The following ZC3H12B variants were observed in gnomAD, a reference collection of about 807,000 sequenced individuals.
ZC3H12B encodes probable ribonuclease ZC3H12B.
ZC3H12B carries 7 observed loss-of-function variants against 43.9 expected under a neutral mutation model. The observed-to-expected ratio is 0.16, with a 90% CI of 0.09 to 0.30. ZC3H12B has a LOEUF of 0.30. ZC3H12B is among the 10% of genes least tolerant of loss of function. The pLI is 1.00. For missense variants in ZC3H12B, 475 were observed against 670.2 expected, an observed-to-expected ratio of 0.71 and a Z score of 3.22; for synonymous variants, 222 against 241.7, an observed-to-expected ratio of 0.92 and a Z score of 0.76.
the ZC3H12B span, among the ~76,000 whole-genome samples, chrX:65,206,906 T>C: frequency 9.1e-6 from 1 of 109,782 alleles, no homozygotes; most frequent in Non-Finnish European, 1.9e-5. Flanking sequence ...CATGAAGAAA[T>C]ACTCAACAAC....
chrX:65,419,675 G>A (rs2066996869), intron 3 of ZC3H12B, among the ~76,000 whole-genome samples: 2 of 110,639 alleles, frequency 1.8e-5, no homozygotes, highest in South Asian at 7.8e-4. Context: ...CAGCCCCCAT[G>A]GCCCTAGAAC....
At chrX:65,118,920 A>C in the ZC3H12B span, among the ~76,000 whole-genome samples, 4 of 106,940 alleles carry the variant, frequency 3.7e-5, no homozygotes, top group African/African-American at 1.0e-4. Flanking sequence ...TGTCCTTGCG[A>C]TAGTTTCCTC....
intron 3 of ZC3H12B, among the ~76,000 whole-genome samples, chrX:65,399,086 C>A (rs765271416): frequency 8.9e-6 from 1 of 112,402 alleles, no homozygotes; most frequent in Admixed American, 9.4e-5. Context: ...AAAGCAAACA[C>A]TGGAGAAATT....
the ZC3H12B span, among the ~76,000 whole-genome samples, chrX:65,277,413 A>G: frequency 8.9e-6 from 1 of 112,003 alleles, no homozygotes; most frequent in African/African-American, 3.2e-5. Context: ...TGTAGAATAC[A>G]CATTATTTTA....
At chrX:65,150,636 G>C in the ZC3H12B span, among the ~76,000 whole-genome samples, 3 of 111,385 alleles carry the variant, frequency 2.7e-5, no homozygotes, top group South Asian at 7.5e-4. Flanking sequence ...ATGACTTCCA[G>C]CTTCATCCAT....
the ZC3H12B span, among the ~76,000 whole-genome samples, chrX:65,122,324 C>G: frequency 4.5e-5 from 5 of 110,942 alleles, no homozygotes; most frequent in Admixed American, 2.9e-4. Context: ...CCTTTACAGA[C>G]AAGCAAATGC....
the ZC3H12B span, among the ~76,000 whole-genome samples, chrX:65,178,119 A>G: frequency 1.8e-5 from 2 of 112,025 alleles, no homozygotes; most frequent in Non-Finnish European, 3.8e-5. Context: ...CACATCTACA[A>G]CCATCTGATC....
At chrX:65,444,418 G>A (rs1183338583) in intron 3 of ZC3H12B, among the ~76,000 whole-genome samples, 2 of 109,290 alleles carry the variant, frequency 1.8e-5, no homozygotes, top group East Asian at 2.8e-4. Context: ...AGTCTCACAA[G>A]ACCTGATGGT....
chrX:65,185,954 C>G, the ZC3H12B span: 1 of 111,397 alleles, frequency 9.0e-6, no homozygotes, highest in African/African-American at 3.3e-5. Context: ...TTCCCAAAAT[C>G]TATATTAGCA....
At chrX:65,170,391 G>C in the ZC3H12B span, among the ~76,000 whole-genome samples, 16 of 112,041 alleles carry the variant, frequency 1.4e-4, no homozygotes, top group African/African-American at 4.5e-4. Flanking sequence ...TAGAGTTTCT[G>C]CCGAGAGATC....
intron 3 of ZC3H12B, among the ~76,000 whole-genome samples, chrX:65,425,603 T>A (rs746596327): frequency 9.0e-6 from 1 of 111,620 alleles, no homozygotes; most frequent in Non-Finnish European, 1.9e-5. Context: ...GGGTTTGTCA[T>A]ATATAGCTCT....
chrX:65,455,041 A>G (rs2148160438), intron 3 of ZC3H12B, among the ~76,000 whole-genome samples: 1 of 112,229 alleles, frequency 8.9e-6, no homozygotes, highest in Non-Finnish European at 1.9e-5. Context: ...ACAGAGCAGA[A>G]AAATTGAAAA....
At chrX:65,265,335 G>A in the ZC3H12B span, among the ~76,000 whole-genome samples, 1 of 111,676 alleles carries the variant, frequency 9.0e-6, no homozygotes, top group South Asian at 3.7e-4. Context: ...GGGATTATTG[G>A]CAACTGGAGT....
the ZC3H12B span, among the ~76,000 whole-genome samples, chrX:65,330,350 A>G: frequency 9.0e-6 from 1 of 111,657 alleles, no homozygotes; most frequent in Non-Finnish European, 1.9e-5. Flanking sequence ...TCATCTGCAA[A>G]CAGAGACAAT....
At chrX:65,358,325 A>T in the ZC3H12B span, among the ~76,000 whole-genome samples, 1 of 111,826 alleles carries the variant, frequency 8.9e-6, no homozygotes, top group African/African-American at 3.3e-5. Flanking sequence ...GCTCTGGACC[A>T]AGCAGACCTA....
chrX:65,224,694 C>T, the ZC3H12B span, among the ~76,000 whole-genome samples: 1 of 112,113 alleles, frequency 8.9e-6, no homozygotes, highest in South Asian at 3.7e-4. Flanking sequence ...TTCCGACGGG[C>T]TTAAAAAACG....
At chrX:65,143,332 T>C in the ZC3H12B span, among the ~76,000 whole-genome samples, 1 of 111,383 alleles carries the variant, frequency 9.0e-6, no homozygotes, top group Non-Finnish European at 1.9e-5. Context: ...TGTGGATTTG[T>C]CATAGATGGC....
At chrX:65,277,810 A>G in the ZC3H12B span, among the ~76,000 whole-genome samples, 1 of 111,761 alleles carries the variant, frequency 8.9e-6, no homozygotes, top group Admixed American at 9.5e-5. Flanking sequence ...AGTAAATAGA[A>G]AAACAAAAGT....
the ZC3H12B span, among the ~76,000 whole-genome samples, chrX:65,198,821 G>A: frequency 1.8e-5 from 2 of 111,246 alleles, no homozygotes; most frequent in African/African-American, 6.5e-5. Context: ...TCCTCTTCAA[G>A]ACCAATAACT....
Sources: allele counts gnomAD v4.1 joint callset (sites outside exome capture counted in the v4.1 genomes callset), GRCh38; gene constraint gnomAD v4.1.1; transcripts MANE v1.5; gene names NCBI Gene and HGNC (gene_info 2026-07-23, HGNC 2026-07-21).